SPOCK3: variants seen among roughly 807,000 people sequenced by gnomAD.
The protein encoded by SPOCK3 is SPARC (osteonectin), cwcv and kazal like domains proteoglycan 3, also known as testican-3.
SPOCK3 carries 30 observed loss-of-function variants against 56.6 expected under a neutral mutation model. The ratio of observed to expected loss-of-function variants is 0.53; its 90% CI spans 0.40 to 0.72. SPOCK3 has a LOEUF of 0.72. Among genes scored for constraint, SPOCK3 ranks in the 30% least tolerant of loss-of-function variants. The pLI is 0.00. For synonymous variants in SPOCK3, 196 were observed against 183.3 expected, an observed-to-expected ratio of 1.07 and a Z score of -0.56; for missense variants, 527 against 530.0, an observed-to-expected ratio of 0.99 and a Z score of 0.06.
At chr4:166,978,434 T>C (rs549310260) in intron 4 of SPOCK3, among the ~76,000 whole-genome samples, 10 of 152,264 alleles carry the variant, frequency 6.6e-5, no homozygotes, top group African/African-American at 2.2e-4. Context: ...AAGATCTCTA[T>C]TGTTTGAACA....
intron 5 of SPOCK3, among the ~76,000 whole-genome samples, chr4:166,901,120 C>A (rs773857341): frequency 1.1e-4 from 17 of 152,126 alleles, no homozygotes; most frequent in Non-Finnish European, 1.9e-4. Context: ...AGCTCCTGAA[C>A]CTCCCATGCA....
intron 2 of SPOCK3, among the ~76,000 whole-genome samples, chr4:167,188,776 A>G (rs993527923): frequency 1.4e-5 from 2 of 146,330 alleles, no homozygotes; most frequent in Non-Finnish European, 3.0e-5. Context: ...GAGCATTACT[A>G]TAGATCTTAT....
At chr4:167,061,766 A>C (rs1755630741) in intron 3 of SPOCK3, among the ~76,000 whole-genome samples, 1 of 152,112 alleles carries the variant, frequency 6.6e-6, no homozygotes, top group South Asian at 2.1e-4. Flanking sequence ...GTAAAGAAGA[A>C]ATTTTTTTTC....
In SPOCK3 at chr4:166,766,838, C is replaced by T. The variant is rs370419344; in HGVS notation, c.710-12109G>A. On this transcript the variant is annotated intron_variant, in intron 7 of 10. Coordinates refer to ENST00000357545, the MANE Select transcript of SPOCK3 (RefSeq NM_001040159.2). ...GGTCCTGGACTTTTTTTGGTTGGTA[C>T]GCTCTTAATTATTGCCTCAATTTCG... 3.4e-4 allele frequency among the ~76,000 whole-genome samples: 52 copies of T among 152,032 alleles called. No homozygotes were observed. In the East Asian group the frequency reaches 3.9e-3, roughly 11 times the overall value.
intron 6 of SPOCK3, among the ~76,000 whole-genome samples, chr4:166,853,206 A>C (rs1490014783): frequency 6.6e-6 from 1 of 152,210 alleles, no homozygotes; most frequent in Non-Finnish European, 1.5e-5. Context: ...CATATTTTTA[A>C]ATTTATTCAA....
chr4:167,179,462 G>T (rs1038492114), intron 2 of SPOCK3, among the ~76,000 whole-genome samples: 62 of 152,038 alleles, frequency 4.1e-4, no homozygotes, highest in African/African-American at 1.4e-3. Context: ...AGCAGTTTTG[G>T]TTCCACAAAA....
At chr4:166,889,759 T>C (rs1211036296) in intron 5 of SPOCK3, among the ~76,000 whole-genome samples, 8 of 151,962 alleles carry the variant, frequency 5.3e-5, no homozygotes, top group Non-Finnish European at 8.8e-5. Context: ...AGGCAAAGAA[T>C]TGTAAAATAT....
chr4:167,184,334 A>T (rs887888530), intron 2 of SPOCK3, among the ~76,000 whole-genome samples: 2 of 152,160 alleles, frequency 1.3e-5, no homozygotes, highest in Non-Finnish European at 2.9e-5. Flanking sequence ...AATAGCATGG[A>T]CACTTGGTTA....
At chr4:166,782,434 G>C (rs911220783) in intron 7 of SPOCK3, among the ~76,000 whole-genome samples, 1 of 152,120 alleles carries the variant, frequency 6.6e-6, no homozygotes, top group Non-Finnish European at 1.5e-5. Context: ...AAAAGAGTAA[G>C]GGTATAGATC....
At chr4:167,004,925 C>T (rs896157390) in intron 3 of SPOCK3, among the ~76,000 whole-genome samples, 2 of 152,026 alleles carry the variant, frequency 1.3e-5, no homozygotes, top group African/African-American at 4.8e-5. Context: ...CCTAGATATT[C>T]GGATCTTGTA....
intron 9 of SPOCK3, 112 bp from the exon 10 acceptor site, chr4:166,737,716 T>A: frequency 8.5e-7 from 1 of 1,177,950 alleles, no homozygotes; most frequent in Non-Finnish European, 1.2e-6. Flanking sequence ...CTTACACATA[T>A]GGAGTGTCCA....
chr4:166,960,000 T>C lies in SPOCK3; in HGVS notation c.350+40349A>G, dbSNP rs762342706. Among the ~76,000 whole-genome samples the C allele has an allele frequency of 1.5e-3, 230 of 152,182 alleles. 1 individual carries two copies. Among genetic ancestry groups the C allele is most frequent in the Non-Finnish European group, 2.3e-3 (156 of 68,024 alleles). Reference sequence around the variant, plus strand: ...TTACTCTAATTAGATTTAATGATTTTTGGAGCTATTTCATAATGTTACCCC... The same window carrying C: ...TTACTCTAATTAGATTTAATGATTTCTGGAGCTATTTCATAATGTTACCCC... On this transcript the variant is annotated intron_variant, in intron 4 of 10. Transcript: ENST00000357545.
chr4:167,044,052 C>T (rs116525196), intron 3 of SPOCK3, among the ~76,000 whole-genome samples: 1,914 of 152,042 alleles, frequency 0.013, 19 homozygotes, highest in Non-Finnish European at 0.019. Context: ...TTGAACTCAC[C>T]AGTATATCCA....
chr4:166,890,452 T>G (rs929940575), intron 5 of SPOCK3, among the ~76,000 whole-genome samples: 1 of 151,932 alleles, frequency 6.6e-6, no homozygotes, highest in Non-Finnish European at 1.5e-5. Context: ...AGGCTCTCGG[T>G]AAATGCTAGT....
At chr4:166,956,693 CTG>C (rs143493896) in intron 4 of SPOCK3, among the ~76,000 whole-genome samples, 130 of 152,226 alleles carry the variant, frequency 8.5e-4, no homozygotes, top group African/African-American at 3.1e-3. Context: ...TTACCAAAAA[CTG>C]TAGAATCTCC....
At chr4:167,037,781 A>C (rs1332013349) in intron 3 of SPOCK3, among the ~76,000 whole-genome samples, 1 of 152,280 alleles carries the variant, frequency 6.6e-6, no homozygotes. Flanking sequence ...AATCTGGTTC[A>C]TACCAAATAT....
At chr4:166,844,381 C>T (rs1196773880) in intron 6 of SPOCK3, among the ~76,000 whole-genome samples, 1 of 152,154 alleles carries the variant, frequency 6.6e-6, no homozygotes, top group Non-Finnish European at 1.5e-5. Flanking sequence ...TATGAATCAA[C>T]CTGGCTAGGC....
intron 7 of SPOCK3, among the ~76,000 whole-genome samples, chr4:166,770,935 G>A (rs1451272565): frequency 6.6e-6 from 1 of 151,374 alleles, no homozygotes; most frequent in East Asian, 1.9e-4. Flanking sequence ...GAGATTTCAG[G>A]TTAGAACTTC....
At position 166,806,249 on chromosome 4, in the gene SPOCK3, T is replaced by A. The variant is rs1309644429; in HGVS notation, c.590-13960A>T. On this transcript the variant is annotated intron_variant, in intron 6 of 10. Coordinates refer to ENST00000357545, the MANE Select transcript of SPOCK3 (RefSeq NM_001040159.2). ...TTATTAGTGTCTCAAATACTTCACA[T>A]GGCTCAAGTCTTTGGCAAGGCCTCA... Among the ~76,000 whole-genome samples the A allele has an allele frequency of 1.3e-5, 2 of 152,110 alleles. 1 individual carries two copies. The highest frequency in any genetic ancestry group is 4.1e-4 in the South Asian group (2 of 4,836).
Sources: allele counts gnomAD v4.1 joint callset (sites outside exome capture counted in the v4.1 genomes callset), GRCh38; gene constraint gnomAD v4.1.1; transcripts MANE v1.5; gene names NCBI Gene and HGNC (gene_info 2026-07-23, HGNC 2026-07-21).